Variants in ITGA6 observed in about 807,000 individuals in gnomAD.
ITGA6 encodes the protein integrin subunit alpha 6.
In ITGA6, 63 loss-of-function variants were observed where a neutral mutation model predicts 133.6. The observed-to-expected ratio is 0.47, with a 90% CI of 0.38 to 0.58. The LOEUF (loss-of-function observed/expected upper bound fraction) is 0.58. ITGA6 is among the 20% of genes least tolerant of loss of function. The pLI, the probability that ITGA6 is intolerant of heterozygous loss-of-function variation, is 0.00. For missense variants in ITGA6, 1,068 were observed against 1,309.4 expected (o/e 0.82, Z 2.85); for synonymous variants, 434 against 482.0 (o/e 0.90, Z 1.30).
chr2:172,467,223 G>T (rs1685718818), intron 2 of ITGA6, among the ~76,000 whole-genome samples: 1 of 152,128 alleles, frequency 6.6e-6, no homozygotes, highest in South Asian at 2.1e-4. Context: ...TATCAAGAGA[G>T]GGCAAAGGGT....
rs748045472 is a variant in ITGA6 at position 172,485,240 on chromosome 2, T to G, written c.1830T>G (p.Asp610Glu). The change falls in exon 13 of 26, where the codon GAT becomes GAG. Residue 610 changes from aspartate (D) to glutamate (E), a missense_variant. By Grantham distance (45) the Asp-to-Glu change is conservative. Transcript: ENST00000684293. ...LPEVLPILNS[D>E]EPKTAHIDVH... ...AAGTTCTTCCAATTCTGAATTCAGA[T>G]GAACCCAAGACAGCTCATATTGATG... 2 of 1,614,050 alleles carry G rather than the reference T, an allele frequency of 1.2e-6. No individual in the cohort carries two copies. Among genetic ancestry groups the G allele is most frequent in the Non-Finnish European group, 1.7e-6 (2 of 1,179,998 alleles).
intron 1 of ITGA6, among the ~76,000 whole-genome samples, chr2:172,449,434 A>T (rs1234518226): frequency 6.6e-6 from 1 of 152,172 alleles, no homozygotes; most frequent in Admixed American, 6.5e-5. Context: ...AATGCCAAGG[A>T]TATACCAGCT....
chr2:172,475,541 T>C (rs1033713107), intron 7 of ITGA6, 56 bp from the exon 8 acceptor site: 7 of 933,340 alleles, frequency 7.5e-6, no homozygotes, highest in Non-Finnish European at 1.3e-5. Flanking sequence ...TAAAACATTT[T>C]ACTAGAGTGT....
At chr2:172,431,655 G>A (rs535106301) in intron 1 of ITGA6, among the ~76,000 whole-genome samples, 127 of 152,300 alleles carry the variant, frequency 8.3e-4, no homozygotes, top group African/African-American at 2.8e-3. Flanking sequence ...TTATTCACTC[G>A]GAGTGCCATG....
chr2:172,485,780 T>A (rs1468348540), intron 13 of ITGA6, among the ~76,000 whole-genome samples: 1 of 152,220 alleles, frequency 6.6e-6, no homozygotes, highest in Non-Finnish European at 1.5e-5. Flanking sequence ...ATACCTCATA[T>A]GAGGTGGGGT....
Position 172,456,558 on chromosome 2 carries a change from GACA to G in ITGA6, c.183-8980_183-8978del, listed in dbSNP as rs1202105156. Among the ~76,000 whole-genome samples the G allele has an allele frequency of 2.0e-5, 3 of 152,182 alleles. No individual in the cohort carries two copies. The East Asian group carries it at 5.8e-4, about 29-fold the overall frequency. On this transcript the variant is annotated intron_variant, in intron 1 of 25. Transcript: ENST00000684293. Reference sequence around the variant, plus strand: ...TCCAGGACTGTCCTGGGGAAACCTGGACATATGGCCAGCCTAGCTAAGGCTAGA... The same window carrying G: ...TCCAGGACTGTCCTGGGGAAACCTGGTATGGCCAGCCTAGCTAAGGCTAGA...
In ITGA6 at chr2:172,475,018, G is replaced by A. The variant is rs1315859608; in HGVS notation, c.1076G>A (p.Gly359Asp). ...GAVYVYMNQQ[G>D]RWNNVKPIRL... ...GTGTATGTCTACATGAACCAGCAAG[G>A]CAGATGGAATAATGTGAAGCCAATT... Residue 359 changes from glycine to aspartate, a missense_variant, in exon 7 of 26, where the codon GGC becomes GAC. Physicochemically the swap from Gly to Asp is moderately conservative, Grantham distance 94. This residue lies in a region of ITGA6 where 317 missense variants were observed against 456.9 expected (regional missense o/e 0.69). Transcript: ENST00000684293. 1.3e-6 allele frequency: 2 copies of A among 1,594,810 alleles called. No individual in the cohort carries two copies. Among genetic ancestry groups the A allele is most frequent in the South Asian group, 1.1e-5 (1 of 90,702 alleles).
chr2:172,448,725 C>T (rs1574259), intron 1 of ITGA6, among the ~76,000 whole-genome samples: 7,960 of 152,224 alleles, frequency 0.052, 365 homozygotes, highest in East Asian at 0.26. Context: ...CATGAAAATT[C>T]CGGGCTGGAT....
chr2:172,481,730 T>G (rs1182102716), intron 11 of ITGA6, among the ~76,000 whole-genome samples: 1 of 152,216 alleles, frequency 6.6e-6, no homozygotes, highest in East Asian at 1.9e-4. Context: ...TATGACTTCG[T>G]GCACAGGGGG....
At chr2:172,468,592 G>A (rs955055716) in intron 3 of ITGA6, among the ~76,000 whole-genome samples, 1 of 152,088 alleles carries the variant, frequency 6.6e-6, no homozygotes, top group South Asian at 2.1e-4. Context: ...GCATATTTTG[G>A]GAAATAATCT....
At chr2:172,453,709 CCTTTAGAGGATTTA>C (rs1283137064) in intron 1 of ITGA6, among the ~76,000 whole-genome samples, 1 of 152,272 alleles carries the variant, frequency 6.6e-6, no homozygotes, top group East Asian at 1.9e-4. Context: ...CTTTCTTCCA[CCTTTAGAGGATTTA>C]CTTTAGAAAT....
chr2:172,448,271 T>G (rs1245546140), intron 1 of ITGA6, among the ~76,000 whole-genome samples: 3 of 152,064 alleles, frequency 2.0e-5, no homozygotes, highest in Non-Finnish European at 4.4e-5. Context: ...TGTAATAGAT[T>G]TTTTTTAATG....
chr2:172,498,438 G>A (rs1414321427), intron 24 of ITGA6, among the ~76,000 whole-genome samples: 1 of 152,118 alleles, frequency 6.6e-6, no homozygotes, highest in Non-Finnish European at 1.5e-5. Flanking sequence ...AAATTGTTAG[G>A]GTGTAGTAAT....
chr2:172,469,589 G>A (rs1477435009), intron 4 of ITGA6, among the ~76,000 whole-genome samples: 2 of 152,116 alleles, frequency 1.3e-5, no homozygotes, highest in Admixed American at 1.3e-4. Context: ...CCCTCTACCA[G>A]TACTTTACTT....
intron 1 of ITGA6, among the ~76,000 whole-genome samples, chr2:172,447,368 C>G (rs1393884019): frequency 6.6e-6 from 1 of 152,072 alleles, no homozygotes; most frequent in Non-Finnish European, 1.5e-5. Context: ...CTATGCCCAG[C>G]TAATTTTTGT....
Position 172,471,056 on chromosome 2 carries a change from G to C in ITGA6, c.726G>C (p.Glu242Asp). Reference sequence around the variant, plus strand: ...ATGGGCCTTATGAAGTTGGTGGAGAGACTGAGCATGATGAAAGTCTCGTTC... The same window carrying C: ...ATGGGCCTTATGAAGTTGGTGGAGACACTGAGCATGATGAAAGTCTCGTTC... ...FEDGPYEVGG[E>D]TEHDESLVPV... The change falls in exon 5 of 26, where the codon GAG (glutamate) becomes GAC (aspartate). Residue 242 changes from glutamate to aspartate, a missense_variant. This residue lies in a region of ITGA6 where 317 missense variants were observed against 456.9 expected (regional missense o/e 0.69). Transcript: ENST00000684293. The C allele has an allele frequency of 6.2e-7, 1 of 1,614,182 alleles. No homozygotes were observed. Among genetic ancestry groups the C allele is most frequent in the Non-Finnish European group, 8.5e-7 (1 of 1,180,018 alleles).
chr2:172,503,914 C>T (rs942164954), intron 25 of ITGA6, 177 bp from the exon 26 acceptor site: 11 of 421,748 alleles, frequency 2.6e-5, no homozygotes, highest in Admixed American at 4.2e-5. Context: ...TTCCGTTGAT[C>T]CCCACTGGCT....
rs553199781 is a variant in ITGA6, at chr2:172,436,864, A to G, written c.182+8894A>G. 5.3e-5 allele frequency among the ~76,000 whole-genome samples: 8 copies of G among 152,342 alleles called. No homozygotes were observed. The East Asian group carries it at 1.5e-3, about 29-fold the overall frequency. ...AGACAAACCATAAACAAAAAGGTGT[A>G]TTATGTTAGATAGTAATAATTAATG... On this transcript the variant is annotated intron_variant, in intron 1 of 25. Coordinates refer to ENST00000684293, the MANE Select transcript of ITGA6 (RefSeq NM_000210.4).
At chr2:172,481,836 T>G (rs1019483892) in intron 11 of ITGA6, among the ~76,000 whole-genome samples, 5 of 152,238 alleles carry the variant, frequency 3.3e-5, no homozygotes, top group African/African-American at 1.2e-4. Flanking sequence ...AGAAAATGTA[T>G]ACTGTGACTC....
Sources: allele counts gnomAD v4.1 joint callset (sites outside exome capture counted in the v4.1 genomes callset), GRCh38; gene constraint gnomAD v4.1.1; regional missense constraint gnomAD v4.1.1; transcripts MANE v1.5; gene names NCBI Gene and HGNC (gene_info 2026-07-23, HGNC 2026-07-21).